The following APBB1IP variants were observed in gnomAD, a reference collection of about 807,000 sequenced individuals.
APBB1IP encodes amyloid beta A4 precursor protein-binding family B member 1-interacting protein.
APBB1IP carries 27 observed loss-of-function variants against 64.9 expected under a neutral mutation model. That is an observed-to-expected ratio of 0.42 (90% CI 0.31 to 0.57). APBB1IP has a LOEUF of 0.57. APBB1IP is among the 20% of genes least tolerant of loss of function. The pLI is 0.20. For synonymous variants in APBB1IP, 392 were observed against 331.0 expected (o/e 1.18, Z -2.00); for missense variants, 812 against 845.5 (o/e 0.96, Z 0.49).
intron 13 of APBB1IP, among the ~76,000 whole-genome samples, chr10:26,561,064 C>CTTTTTTTTTTTTTTTTTTTTTTTTTTTT (rs764573338): frequency 4.3e-5 from 3 of 69,208 alleles, no homozygotes; most frequent in Non-Finnish European, 5.1e-5. Flanking sequence ...TTCTTTCTTT[C>CTTTTTTTTTTTTTTTTTTTTTTTTTTTT]TTTTTTTTTT....
chr10:26,511,958 C>T (rs759403568), intron 7 of APBB1IP, 52 bp downstream of exon 7: 3 of 1,592,878 alleles, frequency 1.9e-6, no homozygotes, highest in East Asian at 4.5e-5. Flanking sequence ...TGTGGGTTTG[C>T]TGTATAATGG....
At chr10:26,559,660 C>T (rs1836942094) in intron 11 of APBB1IP, among the ~76,000 whole-genome samples, 1 of 145,236 alleles carries the variant, frequency 6.9e-6, no homozygotes, top group Non-Finnish European at 1.5e-5. Context: ...CTTGGTCTAT[C>T]ACCCAGGCTG....
intron 2 of APBB1IP, among the ~76,000 whole-genome samples, chr10:26,484,429 A>G (rs1359376477): frequency 6.6e-6 from 1 of 152,128 alleles, no homozygotes. Flanking sequence ...CAGACTCCCA[A>G]GTAGCTGGGA....
chr10:26,459,308 A>G (rs1835563585), intron 2 of APBB1IP, among the ~76,000 whole-genome samples: 1 of 151,812 alleles, frequency 6.6e-6, no homozygotes, highest in African/African-American at 2.4e-5. Flanking sequence ...CATGGTGTAT[A>G]TGTGCCACAT....
rs1482278467 is a variant in APBB1IP at position 26,500,838 on chromosome 10, A to C, written c.180A>C (p.Glu60Asp). 6.2e-7 allele frequency: 1 copy of C among 1,613,642 alleles called. No individual in the cohort carries two copies. The highest frequency in any genetic ancestry group is 8.5e-7 in the Non-Finnish European group (1 of 1,179,662). ...TACTAGAGTCCTTAAATGCACTGGAAGACCAAGATTTAGATGCTCTCATGG... is the reference window on the plus strand; with the variant it reads ...TACTAGAGTCCTTAAATGCACTGGACGACCAAGATTTAGATGCTCTCATGG... ...KDLNESLNAL[E>D]DQDLDALMAD... Residue 60 changes from glutamate to aspartate, a missense_variant, in exon 5 of 15, where the codon GAA becomes GAC. Physicochemically the swap from Glu to Asp is conservative, Grantham distance 45. Coordinates refer to ENST00000376236, the MANE Select transcript of APBB1IP (RefSeq NM_019043.4).
At chr10:26,558,140 A>AACACAC (rs58025187) in intron 11 of APBB1IP, among the ~76,000 whole-genome samples, 3,901 of 148,918 alleles carry the variant, frequency 0.026, 83 homozygotes, top group South Asian at 0.057. Flanking sequence ...CACACACACA[A>AACACAC]ACACACACAC....
chr10:26,508,783 A>G (rs1836216223), intron 6 of APBB1IP, among the ~76,000 whole-genome samples: 1 of 152,148 alleles, frequency 6.6e-6, no homozygotes, highest in Non-Finnish European at 1.5e-5. Context: ...ATAATTGTGG[A>G]CATTCATAAG....
chr10:26,490,991 C>T (rs1835947966), intron 2 of APBB1IP, among the ~76,000 whole-genome samples: 1 of 151,992 alleles, frequency 6.6e-6, no homozygotes, highest in Admixed American at 6.6e-5. Context: ...TTGAAATGTC[C>T]TTAGAGGCTG....
At chr10:26,492,508 C>T (rs540052628) in intron 3 of APBB1IP, 110 bp downstream of exon 3, 5 of 929,722 alleles carry the variant, frequency 5.4e-6, no homozygotes, top group African/African-American at 3.3e-5. Flanking sequence ...ATCGGGGGAA[C>T]CAGCCCCCGA....
intron 13 of APBB1IP, among the ~76,000 whole-genome samples, chr10:26,561,161 T>G (rs1056029667): frequency 6.7e-5 from 9 of 134,164 alleles, no homozygotes; most frequent in Non-Finnish European, 1.4e-4. Context: ...CTCCGCCTCC[T>G]GGGTTCACAC....
At chr10:26,561,923 A>T (rs567155881) in intron 13 of APBB1IP, 27 of 172,128 alleles carry the variant, frequency 1.6e-4, no homozygotes, top group East Asian at 8.3e-4. Flanking sequence ...AATACATTTT[A>T]AAAAAATCAA....
At chr10:26,534,953 A>G (rs1360679456) in intron 9 of APBB1IP, among the ~76,000 whole-genome samples, 1 of 152,232 alleles carries the variant, frequency 6.6e-6, no homozygotes, top group Non-Finnish European at 1.5e-5. Flanking sequence ...GAGTGTAAAC[A>G]GAAATATTTT....
intron 8 of APBB1IP, among the ~76,000 whole-genome samples, chr10:26,528,702 C>T (rs950046352): frequency 4.6e-5 from 7 of 152,084 alleles, no homozygotes; most frequent in South Asian, 4.1e-4. Context: ...TTTGGGAGGC[C>T]GAGGCAGGTG....
Position 26,562,227 on chromosome 10 carries a change from T to G in APBB1IP, c.1370-99T>G. On this transcript the variant is annotated intron_variant, in intron 13 of 14. Coordinates refer to ENST00000376236, the MANE Select transcript of APBB1IP (RefSeq NM_019043.4). ...AGAACTAGCCAACAAGTATCTTTCTTTGCTTTAGAGATGCAAACTGCTTTG... is the reference window on the plus strand; with the variant it reads ...AGAACTAGCCAACAAGTATCTTTCTGTGCTTTAGAGATGCAAACTGCTTTG... The G allele has an allele frequency of 4.5e-6, 4 of 884,404 alleles. No individual in the cohort carries two copies. In the South Asian group the frequency reaches 5.8e-5, roughly 13 times the overall value. 54.8% of individuals were successfully genotyped at this position (884,404 alleles called of 1,614,324 possible). A position where few individuals can be genotyped will look rare whatever the true frequency, so the allele number is the denominator to read the frequency against.
intron 2 of APBB1IP, among the ~76,000 whole-genome samples, chr10:26,492,125 T>A (rs572493135): frequency 3.9e-5 from 6 of 152,242 alleles, no homozygotes; most frequent in African/African-American, 1.4e-4. Flanking sequence ...TTTCCCAACG[T>A]TTGGCACAAT....
chr10:26,532,245 A>G (rs1269131650), intron 8 of APBB1IP, among the ~76,000 whole-genome samples: 1 of 152,188 alleles, frequency 6.6e-6, no homozygotes, highest in Non-Finnish European at 1.5e-5. Context: ...GTGTTTTTAC[A>G]TAAAATCCTC....
intron 11 of APBB1IP, among the ~76,000 whole-genome samples, chr10:26,557,611 C>G (rs750447574): frequency 3.3e-5 from 5 of 152,144 alleles, no homozygotes; most frequent in African/African-American, 7.2e-5. Flanking sequence ...CAGGAGACCC[C>G]CAGGTTCTAG....
chr10:26,550,699 A>G lies in APBB1IP; in HGVS notation c.1155+9007A>G, dbSNP rs549834678. Reference sequence around the variant, plus strand: ...TTTGCTGAGTTTTGTTATAACAGCTATTTTTGAATTCTTTGTCTGCCAGAT... The same window carrying G: ...TTTGCTGAGTTTTGTTATAACAGCTGTTTTTGAATTCTTTGTCTGCCAGAT... On this transcript the variant is annotated intron_variant, in intron 11 of 14. Transcript: ENST00000376236. Among the ~76,000 whole-genome samples, 16 of 152,182 alleles carry G rather than the reference A, an allele frequency of 1.1e-4. No individual in the cohort carries two copies. The South Asian group carries it at 3.1e-3, about 30-fold the overall frequency.
intron 10 of APBB1IP, among the ~76,000 whole-genome samples, chr10:26,541,213 T>C (rs1836692519): frequency 6.6e-6 from 1 of 152,208 alleles, no homozygotes; most frequent in Non-Finnish European, 1.5e-5. Flanking sequence ...ATTGTACATA[T>C]GCATAACGTA....
Sources: allele counts gnomAD v4.1 joint callset (sites outside exome capture counted in the v4.1 genomes callset), GRCh38; gene constraint gnomAD v4.1.1; transcripts MANE v1.5; gene names NCBI Gene and HGNC (gene_info 2026-07-23, HGNC 2026-07-21).